Variants in SH2B2 observed in about 807,000 individuals in gnomAD.
SH2B2 encodes SH2B adaptor protein 2.
A neutral mutation model predicts 35.7 loss-of-function variants in SH2B2; 37 were observed. The ratio of observed to expected loss-of-function variants is 1.04; its 90% confidence interval spans 0.80 to 1.36. The LOEUF is 1.36. Ranked by LOEUF, SH2B2 falls within the 40% of genes most tolerant of loss-of-function variation. The pLI is 0.00. For missense variants in SH2B2, 852 were observed against 817.7 expected (o/e 1.04, Z -0.51); for synonymous variants, 383 against 376.4 (o/e 1.02, Z -0.20).
At chr7:102,320,198 G>T (rs1793999015) in intron 7 of SH2B2, 133 bp from the exon 8 acceptor site, 2 of 693,732 alleles carry the variant, frequency 2.9e-6, no homozygotes, top group East Asian at 2.6e-5. Flanking sequence ...GGGCTCATGT[G>T]TGAGGGGCCC....
Position 102,300,311 on chromosome 7 carries a change from T to TG in SH2B2, c.-29-208dup, listed in dbSNP as rs1384902838. ...TCCCAAAGTGCTGGGATTACAGGCG[T>TG]GGGCCACCGCGCCCGGCCCCAGTTG... On this transcript the variant is annotated intron_variant, in intron 1 of 8. Coordinates refer to ENST00000444095, the MANE Select transcript of SH2B2 (RefSeq NM_001359228.2). Among the ~76,000 whole-genome samples, 6 of 152,152 alleles carry TG rather than the reference T, an allele frequency of 3.9e-5. No homozygotes were observed. The East Asian group carries it at 1.2e-3, about 29-fold the overall frequency.
chr7:102,289,627 C>A (rs1233175789), intron 1 of SH2B2, among the ~76,000 whole-genome samples: 1 of 152,094 alleles, frequency 6.6e-6, no homozygotes, highest in East Asian at 1.9e-4. Context: ...ATGCTCAGAT[C>A]TTAGGGGTGC....
intron 1 of SH2B2, among the ~76,000 whole-genome samples, chr7:102,287,444 T>TG (rs1554551068): frequency 6.6e-6 from 1 of 152,022 alleles, no homozygotes; most frequent in African/African-American, 2.4e-5. Flanking sequence ...GGTCTCTGGT[T>TG]GGGGGAAGGG....
chr7:102,314,711 A>C (rs929938963), intron 6 of SH2B2, 29 bp downstream of exon 6: 71 of 398,696 alleles, frequency 1.8e-4, no homozygotes, highest in Middle Eastern at 6.3e-4. Flanking sequence ...TGCTCTTCCC[A>C]TCCCACCTCT....
At chr7:102,321,110 T>C (rs1292137931) in intron 8 of SH2B2, among the ~76,000 whole-genome samples, 189 bp from the exon 9 acceptor site, 1 of 152,044 alleles carries the variant, frequency 6.6e-6, no homozygotes, top group African/African-American at 2.4e-5. Context: ...ACACGCGTGG[T>C]TAGGTACATG....
At chr7:102,289,109 G>A (rs1792572305) in intron 1 of SH2B2, among the ~76,000 whole-genome samples, 1 of 152,172 alleles carries the variant, frequency 6.6e-6, no homozygotes, top group East Asian at 1.9e-4. Context: ...CCCTCAACAC[G>A]AGGTCACAGC....
At chr7:102,320,976 T>G (rs1244149115) in intron 8 of SH2B2, among the ~76,000 whole-genome samples, 2 of 152,154 alleles carry the variant, frequency 1.3e-5, no homozygotes, top group African/African-American at 4.8e-5. Flanking sequence ...TGTGCGTGTG[T>G]GCGCATATGC....
At chr7:102,318,244 T>G (rs1005900116) in intron 7 of SH2B2, among the ~76,000 whole-genome samples, 2 of 152,140 alleles carry the variant, frequency 1.3e-5, no homozygotes, top group African/African-American at 4.8e-5. Flanking sequence ...GTTCAAGCGA[T>G]TCTTGTGCCT....
At chr7:102,317,499 G>A (rs1337164762) in intron 7 of SH2B2, 104 bp downstream of exon 7, 32 of 1,116,510 alleles carry the variant, frequency 2.9e-5, no homozygotes, top group South Asian at 1.2e-4. Context: ...AGCTGCAGGC[G>A]AACAGGTGTG....
intron 1 of SH2B2, among the ~76,000 whole-genome samples, chr7:102,294,581 G>A (rs939033677): frequency 2.0e-5 from 3 of 152,104 alleles, no homozygotes; most frequent in Non-Finnish European, 2.9e-5. Context: ...CACTCAGGGA[G>A]CACCCACGGG....
At chr7:102,309,234 C>G in intron 4 of SH2B2, 2 of 503,298 alleles carry the variant, frequency 4.0e-6, no homozygotes, top group South Asian at 3.2e-5. Flanking sequence ...GGCTGGGGGC[C>G]TGGTGCAGTG....
intron 7 of SH2B2, among the ~76,000 whole-genome samples, chr7:102,319,736 C>T (rs1164309091): frequency 6.6e-6 from 1 of 152,158 alleles, no homozygotes; most frequent in Non-Finnish European, 1.5e-5. Flanking sequence ...CACTAGACAC[C>T]ACAGGCCTAT....
chr7:102,312,400 C>CT (rs1793663652), intron 4 of SH2B2, among the ~76,000 whole-genome samples: 2 of 152,144 alleles, frequency 1.3e-5, no homozygotes, highest in Non-Finnish European at 2.9e-5. Context: ...GGAAATGGTC[C>CT]ATTTTTATGC....
At position 102,301,290 on chromosome 7, in the gene SH2B2, C is replaced by T; in HGVS notation, c.729+11C>T. On this transcript the variant is annotated intron_variant, in intron 2 of 8. Transcript: ENST00000444095. ...TTCGTGCCGCCCAAAGTGAGTTACC[C>T]CATAATCCCACCTAGCCTGGGGGGA... 6.3e-7 allele frequency: 1 copy of T among 1,598,464 alleles called. No individual in the cohort carries two copies. Among genetic ancestry groups the T allele is most frequent in the Non-Finnish European group, 8.5e-7 (1 of 1,173,338 alleles).
At chr7:102,313,364 C>T (rs1793698734) in intron 4 of SH2B2, among the ~76,000 whole-genome samples, 1 of 151,638 alleles carries the variant, frequency 6.6e-6, no homozygotes, top group Non-Finnish European at 1.5e-5. Flanking sequence ...AGGGGAATCA[C>T]TTGAACCCGG....
chr7:102,303,589 C>A (rs560761050), intron 2 of SH2B2, among the ~76,000 whole-genome samples: 221 of 152,310 alleles, frequency 1.5e-3, no homozygotes, highest in African/African-American at 5.1e-3. Context: ...CAGGTCCCAG[C>A]ACCCCTACAC....
At chr7:102,298,294 GTCTC>G (rs1255675727) in intron 1 of SH2B2, among the ~76,000 whole-genome samples, 2 of 152,142 alleles carry the variant, frequency 1.3e-5, no homozygotes, top group Admixed American at 6.5e-5. Context: ...TTGAGTCAGA[GTCTC>G]TATCACCAAG....
Position 102,317,366 on chromosome 7 carries a change from C to T in SH2B2, c.1366C>T (p.Leu456=), listed in dbSNP as rs4493840. The change falls in exon 7 of 9, where the codon CTG becomes TTG. Residue 456 remains leucine, a synonymous_variant. Transcript: ENST00000444095. The part of the protein sequence containing the change: ...QSETRPGEYV[L]TFNFQGKAKH... ...TGAGACTCGGCCTGGGGAGTACGTG[C>T]TGACCTTCAACTTCCAGGGCAAGGC... is the stretch of plus-strand genomic sequence containing the variant. 1.9e-6 allele frequency: 3 copies of T among 1,592,998 alleles called. No individual in the cohort carries two copies. Among genetic ancestry groups the T allele is most frequent in the Non-Finnish European group, 2.6e-6 (3 of 1,164,272 alleles).
chr7:102,303,401 G>T (rs1372714199), intron 2 of SH2B2, among the ~76,000 whole-genome samples: 2 of 152,098 alleles, frequency 1.3e-5, no homozygotes, highest in Non-Finnish European at 2.9e-5. Flanking sequence ...CCGCATCAGG[G>T]CCCACTCTGT....
Sources: gnomAD v4.1 joint callset for allele counts (sites outside exome capture counted in the v4.1 genomes callset) on GRCh38, gnomAD v4.1.1 for gene constraint, MANE v1.5 for transcripts, NCBI Gene and HGNC (gene_info 2026-07-23, HGNC 2026-07-21) for gene names.